Variants in ZNF532 observed in about 807,000 individuals in gnomAD.
ZNF532 encodes the protein zinc finger protein 532.
In ZNF532, 22 loss-of-function variants were observed where a neutral mutation model predicts 89.3. The observed-to-expected ratio is 0.25, with a 90% CI of 0.18 to 0.35. The LOEUF is 0.35. Ranked by LOEUF, ZNF532 falls within the 10% of genes least tolerant of loss-of-function variation. The probability of loss-of-function intolerance (pLI) is 1.00; values close to 1 mark genes in which losing one functional copy is unlikely to be tolerated. For synonymous variants in ZNF532, 606 were observed against 649.6 expected (o/e 0.93, Z 1.02); for missense variants, 1,132 against 1,643.4 (o/e 0.69, Z 5.38).
chr18:58,922,892 G>A (rs758768325), intron 3 of ZNF532, among the ~76,000 whole-genome samples: 56 of 152,242 alleles, frequency 3.7e-4, no homozygotes, highest in Non-Finnish European at 7.1e-4. Context: ...TATTCCCTGC[G>A]TTTCCCTAGT....
chr18:58,967,835 A>G (rs966905628), intron 7 of ZNF532, among the ~76,000 whole-genome samples: 6 of 152,212 alleles, frequency 3.9e-5, no homozygotes, highest in Non-Finnish European at 5.9e-5. Context: ...GCCGCATGGC[A>G]GTTGCAAGCC....
chr18:58,897,061 C>T (rs1265137053), intron 2 of ZNF532, among the ~76,000 whole-genome samples: 3 of 151,890 alleles, frequency 2.0e-5, no homozygotes, highest in South Asian at 2.1e-4. Flanking sequence ...TTTTTTCCCC[C>T]GGGGCTTGAA....
chr18:58,883,225 CT>C (rs1373912374), intron 2 of ZNF532, among the ~76,000 whole-genome samples: 3 of 152,122 alleles, frequency 2.0e-5, no homozygotes, highest in Non-Finnish European at 2.9e-5. Context: ...AGGAAGAGAA[CT>C]TTTAAATGAA....
At position 58,963,260 on chromosome 18, in the gene ZNF532, GAA is replaced by G. The variant is rs534586427; in HGVS notation, c.3150+9464_3150+9465del. Among the ~76,000 whole-genome samples the G allele has an allele frequency of 8.5e-5, 13 of 152,278 alleles. No individual in the cohort carries two copies. In the South Asian group the frequency reaches 2.7e-3, roughly 32 times the overall value. The stretch of plus-strand genomic sequence containing the variant: ...ATGTTTCTGTTCCTAAAGCCTTTAA[GAA>G]AAGTCCATAGATTTCATCTGCATTT... On this transcript the variant is annotated intron_variant, in intron 7 of 9. Transcript: ENST00000591808.
In ZNF532 at chr18:58,918,261, C is replaced by T; in HGVS notation, c.-17-10C>T. ...ATTACTGATGGAACTATTTTCTGCT[C>T]ATTTAACAGAACATCTGCTCAAATT... On this transcript the variant is annotated splice_polypyrimidine_tract_variant and intron_variant, in intron 2 of 9. Transcript: ENST00000591808. 6.3e-7 allele frequency: 1 copy of T among 1,599,552 alleles called. No individual in the cohort carries two copies. The highest frequency in any genetic ancestry group is 8.5e-7 in the Non-Finnish European group (1 of 1,171,758).
intron 7 of ZNF532, among the ~76,000 whole-genome samples, chr18:58,966,856 G>A (rs1050591538): frequency 6.6e-6 from 1 of 150,670 alleles, no homozygotes; most frequent in African/African-American, 2.4e-5. Flanking sequence ...AAACTCACCC[G>A]AGGTTGCTAT....
chr18:58,932,987 C>T (rs1004752532), intron 3 of ZNF532, among the ~76,000 whole-genome samples: 1 of 151,900 alleles, frequency 6.6e-6, no homozygotes, highest in African/African-American at 2.4e-5. Context: ...TTTAAGATGC[C>T]TGTGGAAGTT....
intron 5 of ZNF532, among the ~76,000 whole-genome samples, chr18:58,945,931 A>G (rs2063612269): frequency 6.6e-6 from 1 of 151,996 alleles, no homozygotes; most frequent in Admixed American, 6.6e-5. Context: ...GGGTTTGACC[A>G]TGTTGGCCAG....
chr18:58,978,933 C>T (rs2067378978), intron 7 of ZNF532, 122 bp from the exon 8 acceptor site: 2 of 729,968 alleles, frequency 2.7e-6, no homozygotes, highest in South Asian at 1.7e-5. Context: ...TCATGTCAAC[C>T]CTCAGTTTTG....
At chr18:58,871,873 G>A (rs564879330) in intron 2 of ZNF532, among the ~76,000 whole-genome samples, 1 of 152,368 alleles carries the variant, frequency 6.6e-6, no homozygotes, top group Admixed American at 6.5e-5. Flanking sequence ...GATTGGAGGG[G>A]AGAAGGGCTA....
chr18:58,915,711 G>T (rs951942295), intron 2 of ZNF532, among the ~76,000 whole-genome samples: 1 of 152,180 alleles, frequency 6.6e-6, no homozygotes, highest in Non-Finnish European at 1.5e-5. Context: ...ACCTTCCCAG[G>T]GTTCATAAGA....
At chr18:58,962,766 T>G (rs1362500696) in intron 7 of ZNF532, among the ~76,000 whole-genome samples, 3 of 152,260 alleles carry the variant, frequency 2.0e-5, no homozygotes, top group Non-Finnish European at 4.4e-5. Flanking sequence ...CACGCCCGGC[T>G]AATTTTTTGT....
chr18:58,942,339 C>G (rs1284926326), intron 5 of ZNF532, among the ~76,000 whole-genome samples: 7 of 87,774 alleles, frequency 8.0e-5, no homozygotes, highest in South Asian at 5.1e-4. Context: ...CCCTCCCTCC[C>G]TCCCTCCCTC....
At chr18:58,895,309 G>A (rs1395928200) in intron 2 of ZNF532, among the ~76,000 whole-genome samples, 3 of 152,192 alleles carry the variant, frequency 2.0e-5, no homozygotes, top group Non-Finnish European at 2.9e-5. Flanking sequence ...AAAAGGGCAC[G>A]TACACCTCCC....
At chr18:58,888,877 T>TATAAA (rs2058661322) in intron 2 of ZNF532, among the ~76,000 whole-genome samples, 8 of 36,082 alleles carry the variant, frequency 2.2e-4, no homozygotes, top group Non-Finnish European at 3.7e-4. Context: ...TAATATATAT[T>TATAAA]ATATATATAT....
rs750726695 is a variant in ZNF532, at chr18:58,918,818, G to A, written c.531G>A (p.Lys177=). The change falls in exon 3 of 10, where the codon AAG becomes AAA. Residue 177 remains lysine (K), a synonymous_variant. Coordinates refer to ENST00000591808, the MANE Select transcript of ZNF532 (RefSeq NM_001375912.1). ...CCCAGCAGGACTACGATAAGCTGAAGGCACTCGGAGGGGAAAACTCCAGCA... is the reference window on the plus strand; with the variant it reads ...CCCAGCAGGACTACGATAAGCTGAAAGCACTCGGAGGGGAAAACTCCAGCA... The part of the protein sequence containing the change: ...SAPQQDYDKL[K]ALGGENSSKT... 1 of 1,614,220 alleles carries A rather than the reference G, an allele frequency of 6.2e-7. No homozygotes were observed. Among genetic ancestry groups the A allele is most frequent in the Non-Finnish European group, 8.5e-7 (1 of 1,180,044 alleles).
At chr18:58,882,450 A>T (rs1042859097) in intron 2 of ZNF532, among the ~76,000 whole-genome samples, 1 of 151,968 alleles carries the variant, frequency 6.6e-6, no homozygotes, top group African/African-American at 2.4e-5. Flanking sequence ...TAAAGAGAAT[A>T]TATTTTTAAG....
chr18:58,913,941 C>G (rs922219571), intron 2 of ZNF532, among the ~76,000 whole-genome samples: 1 of 152,198 alleles, frequency 6.6e-6, no homozygotes, highest in Non-Finnish European at 1.5e-5. Flanking sequence ...CTTTCTGTTT[C>G]AGGATTAAAG....
At chr18:58,928,454 C>T (rs573979266) in intron 3 of ZNF532, among the ~76,000 whole-genome samples, 2 of 152,314 alleles carry the variant, frequency 1.3e-5, no homozygotes, top group African/African-American at 4.8e-5. Context: ...CTGGTAAGAG[C>T]TGTGTTGGAA....
Sources: allele counts gnomAD v4.1 joint callset (sites outside exome capture counted in the v4.1 genomes callset), GRCh38; gene constraint gnomAD v4.1.1; transcripts MANE v1.5; gene names NCBI Gene and HGNC (gene_info 2026-07-23, HGNC 2026-07-21).